The following RSU1 variants were observed in gnomAD, a reference collection of about 807,000 sequenced individuals.
RSU1 encodes rsu-1.
RSU1 carries 26 observed loss-of-function variants against 31.1 expected under a neutral mutation model. That is an observed-to-expected ratio of 0.84 (90% CI 0.61 to 1.16). The LOEUF (loss-of-function observed/expected upper bound fraction) is 1.16, where lower values mean the gene tolerates loss of function less well. Ranked by LOEUF, RSU1 falls within the 50% of genes most tolerant of loss-of-function variation. RSU1 has a pLI of 0.00. For missense variants in RSU1, 320 were observed against 339.1 expected, an observed-to-expected ratio of 0.94 and a Z score of 0.44; for synonymous variants, 164 against 136.3, an observed-to-expected ratio of 1.20 and a Z score of -1.41.
chr10:16,646,682 C>T (rs1045974215), intron 8 of RSU1, among the ~76,000 whole-genome samples: 1 of 152,228 alleles, frequency 6.6e-6, no homozygotes, highest in Admixed American at 6.5e-5. Flanking sequence ...TCAGTCAATA[C>T]TTCTGAGTAA....
At chr10:16,730,631 G>A (rs1471704578) in intron 7 of RSU1, among the ~76,000 whole-genome samples, 2 of 152,130 alleles carry the variant, frequency 1.3e-5, no homozygotes, top group East Asian at 3.9e-4. Context: ...GGGGTTTTTT[G>A]GTGCAGCAAA....
intron 8 of RSU1, among the ~76,000 whole-genome samples, chr10:16,629,149 T>C (rs1219575571): frequency 1.2e-4 from 18 of 152,138 alleles, no homozygotes; most frequent in Admixed American, 1.1e-3. Context: ...TCAGTGTGCA[T>C]AGGAATTGCC....
At chr10:16,655,094 A>G in intron 8 of RSU1, among the ~76,000 whole-genome samples, 1 of 150,530 alleles carries the variant, frequency 6.6e-6, no homozygotes, top group African/African-American at 2.4e-5. Context: ...GAGAGAGAGA[A>G]ATGCATTCTG....
At chr10:16,667,680 G>A (rs11254136) in intron 8 of RSU1, among the ~76,000 whole-genome samples, 27,188 of 151,972 alleles carry the variant, frequency 0.18, 2,608 homozygotes, top group South Asian at 0.26. Context: ...TAGAGACAGC[G>A]TTTTGCCATG....
chr10:16,764,680 A>G (rs1837277794), intron 3 of RSU1, among the ~76,000 whole-genome samples, 170 bp from the exon 4 acceptor site: 1 of 152,092 alleles, frequency 6.6e-6, no homozygotes, highest in African/African-American at 2.4e-5. Flanking sequence ...ATAAGCAGTC[A>G]CTCACTTCTG....
At chr10:16,669,914 G>C (rs61842273) in intron 8 of RSU1, among the ~76,000 whole-genome samples, 9,149 of 152,238 alleles carry the variant, frequency 0.06, 429 homozygotes, top group East Asian at 0.19. Context: ...CCCAAAGTCA[G>C]AGCAAGAAGG....
chr10:16,599,007 AG>A (rs1833668441), intron 8 of RSU1, among the ~76,000 whole-genome samples: 1 of 152,192 alleles, frequency 6.6e-6, no homozygotes, highest in Non-Finnish European at 1.5e-5. Context: ...TTTCTACGAG[AG>A]GAAGTGCAAA....
intron 7 of RSU1, among the ~76,000 whole-genome samples, chr10:16,712,951 G>A (rs185448168): frequency 8.5e-5 from 13 of 152,202 alleles, no homozygotes; most frequent in Non-Finnish European, 1.5e-4. Context: ...ATTTCTGAAG[G>A]ATAACTTTGT....
intron 7 of RSU1, among the ~76,000 whole-genome samples, chr10:16,742,974 A>G (rs1836781764): frequency 6.6e-6 from 1 of 152,240 alleles, no homozygotes; most frequent in Non-Finnish European, 1.5e-5. Context: ...GTTAAAAAAT[A>G]TCATGTAGGA....
chr10:16,767,899 A>G (rs1294649106), intron 3 of RSU1, among the ~76,000 whole-genome samples: 1 of 152,256 alleles, frequency 6.6e-6, no homozygotes, highest in Non-Finnish European at 1.5e-5. Flanking sequence ...ACCAGTTAGC[A>G]ATATGAATTG....
intron 8 of RSU1, among the ~76,000 whole-genome samples, chr10:16,611,485 C>T (rs902325408): frequency 2.6e-5 from 4 of 152,146 alleles, no homozygotes; most frequent in African/African-American, 7.2e-5. Flanking sequence ...GATCCGAAGA[C>T]GCTACTACTG....
intron 3 of RSU1, among the ~76,000 whole-genome samples, chr10:16,770,796 G>A (rs1837409470): frequency 1.3e-5 from 2 of 152,318 alleles, no homozygotes; most frequent in Admixed American, 1.3e-4. Context: ...GTCCGCCCTT[G>A]TGCTGCAATG....
At chr10:16,785,489 CATATATAT>C (rs1388954555) in intron 2 of RSU1, among the ~76,000 whole-genome samples, 1 of 118,506 alleles carries the variant, frequency 8.4e-6, no homozygotes. Flanking sequence ...TACATATATA[CATATATAT>C]ATACACATAT....
intron 8 of RSU1, among the ~76,000 whole-genome samples, chr10:16,663,654 C>A (rs532341998): frequency 3.8e-4 from 58 of 152,256 alleles, no homozygotes; most frequent in African/African-American, 1.4e-3. Flanking sequence ...CTACATGTGT[C>A]GTCAGTATGC....
chr10:16,789,468 T>C (rs10904813), intron 2 of RSU1, among the ~76,000 whole-genome samples: 5 of 152,038 alleles, frequency 3.3e-5, no homozygotes, highest in Non-Finnish European at 7.4e-5. Context: ...CAAAGCCCGG[T>C]CAGGCAAAGA....
intron 7 of RSU1, among the ~76,000 whole-genome samples, chr10:16,726,098 G>A (rs1328081358): frequency 4.0e-5 from 6 of 151,290 alleles, no homozygotes; most frequent in Non-Finnish European, 8.8e-5. Context: ...AATATTTTAG[G>A]AAGTAATAGC....
chr10:16,742,058 G>T (rs577492891), intron 7 of RSU1, among the ~76,000 whole-genome samples: 1 of 152,224 alleles, frequency 6.6e-6, no homozygotes, highest in African/African-American at 2.4e-5. Context: ...GCTGTCCAAG[G>T]AGAAGAGCCG....
chr10:16,731,562 G>A lies in RSU1; in HGVS notation c.598+20977C>T, dbSNP rs554295883. ...AAGGTTGGAAGCTTTTACGGTGCCT[G>A]GCATATACTCCAAAAATGGGTCTAG... On this transcript the variant is annotated intron_variant, in intron 7 of 8. Coordinates refer to ENST00000345264, the MANE Select transcript of RSU1 (RefSeq NM_012425.4). 6.6e-5 allele frequency among the ~76,000 whole-genome samples: 10 copies of A among 152,250 alleles called. No homozygotes were observed. The East Asian group carries it at 1.9e-3, about 29-fold the overall frequency.
intron 7 of RSU1, among the ~76,000 whole-genome samples, chr10:16,742,610 T>A (rs74125862): frequency 0.012 from 1,680 of 144,826 alleles, 33 homozygotes; most frequent in African/African-American, 0.038. Context: ...CTCTGGAATT[T>A]AAAAAAAAAA....
Sources: allele counts gnomAD v4.1 joint callset (sites outside exome capture counted in the v4.1 genomes callset), GRCh38; gene constraint gnomAD v4.1.1; transcripts MANE v1.5; gene names NCBI Gene and HGNC (gene_info 2026-07-23, HGNC 2026-07-21).